The following BCAS3 variants were observed in gnomAD, a reference collection of about 807,000 sequenced individuals.
BCAS3 encodes the protein BCAS3 microtubule associated cell migration factor.
A neutral mutation model predicts 116.1 loss-of-function variants in BCAS3; 53 were observed. That is an observed-to-expected ratio of 0.46 (90% CI 0.37 to 0.57). The LOEUF is 0.57. Ranked by LOEUF, BCAS3 falls within the 20% of genes least tolerant of loss-of-function variation. BCAS3 has a pLI of 0.00. For missense variants in BCAS3, 917 were observed against 1,165.4 expected (o/e 0.79, Z 3.10); for synonymous variants, 391 against 408.2 (o/e 0.96, Z 0.51).
intron 5 of BCAS3, 105 bp downstream of exon 5, chr17:60,709,430 C>T (rs1440384822): frequency 1.3e-5 from 9 of 691,740 alleles, no homozygotes; most frequent in Non-Finnish European, 2.2e-5. Flanking sequence ...TCACTCTTCG[C>T]CCAGGCTGGA....
intron 14 of BCAS3, among the ~76,000 whole-genome samples, chr17:60,966,835 A>C (rs918670901): frequency 2.0e-5 from 3 of 151,876 alleles, no homozygotes; most frequent in African/African-American, 7.3e-5. Flanking sequence ...TTGTGTTTTT[A>C]GTAGAGACAG....
At chr17:60,719,428 T>C (rs1225701961) in intron 5 of BCAS3, among the ~76,000 whole-genome samples, 2 of 152,226 alleles carry the variant, frequency 1.3e-5, no homozygotes, top group Non-Finnish European at 2.9e-5. Context: ...ACAAACAGTT[T>C]GAAAAACACT....
rs1224144549 is a variant in BCAS3 at position 60,902,577 on chromosome 17, T to G, written c.739-43T>G. 3 of 1,466,798 alleles carry G rather than the reference T, an allele frequency of 2.0e-6. No homozygotes were observed. In the East Asian group the frequency reaches 6.8e-5, roughly 33 times the overall value. The allele number at this position is 1,466,798 out of a possible 1,614,324, so 90.9% of individuals were successfully genotyped here. On this transcript the variant is annotated intron_variant, in intron 10 of 23. Transcript: ENST00000407086. ...TGATAGCCTGTAGAGTTAAACAGAT[T>G]AATAGAAATGACGTTCTGCTTCTCT... is the stretch of plus-strand genomic sequence containing the variant.
At chr17:60,977,061 G>A (rs934974754) in intron 14 of BCAS3, among the ~76,000 whole-genome samples, 12 of 151,868 alleles carry the variant, frequency 7.9e-5, no homozygotes, top group East Asian at 3.9e-4. Context: ...GCGGCCGGGC[G>A]GGGGCTGCCC....
chr17:60,699,344 A>G (rs1016539378), intron 4 of BCAS3, among the ~76,000 whole-genome samples: 7 of 152,064 alleles, frequency 4.6e-5, no homozygotes, highest in Non-Finnish European at 5.9e-5. Context: ...CCTCTCCAGT[A>G]GCTAGGATTA....
chr17:60,710,237 T>C (rs1256701464), intron 5 of BCAS3, among the ~76,000 whole-genome samples: 1 of 152,214 alleles, frequency 6.6e-6, no homozygotes, highest in Admixed American at 6.5e-5. Flanking sequence ...CATGAGTATG[T>C]GTGTATGTGT....
At chr17:61,166,354 A>G (rs908197905) in intron 22 of BCAS3, among the ~76,000 whole-genome samples, 1 of 143,136 alleles carries the variant, frequency 7.0e-6, no homozygotes, top group Non-Finnish European at 1.5e-5. Flanking sequence ...TCTTTTTCTA[A>G]ACGTTTTATT....
chr17:61,100,736 A>C (rs1305406429), intron 22 of BCAS3, among the ~76,000 whole-genome samples: 1 of 152,150 alleles, frequency 6.6e-6, no homozygotes, highest in Non-Finnish European at 1.5e-5. Context: ...TTACCTCCTC[A>C]AAGAGAAACT....
At chr17:60,959,752 A>G (rs558266609) in intron 14 of BCAS3, among the ~76,000 whole-genome samples, 9 of 152,196 alleles carry the variant, frequency 5.9e-5, no homozygotes, top group Non-Finnish European at 1.0e-4. Context: ...AGCCTAAAAT[A>G]TCAAAAATTA....
At chr17:60,852,396 A>G (rs1373867591) in intron 7 of BCAS3, among the ~76,000 whole-genome samples, 1 of 152,204 alleles carries the variant, frequency 6.6e-6, no homozygotes, top group African/African-American at 2.4e-5. Context: ...AATATGTAGT[A>G]TACATGCTAT....
At chr17:61,250,262 G>A (rs1409580156) in intron 22 of BCAS3, among the ~76,000 whole-genome samples, 1 of 152,084 alleles carries the variant, frequency 6.6e-6, no homozygotes, top group Non-Finnish European at 1.5e-5. Context: ...GGGAGGATAG[G>A]GAAGAAAACC....
intron 19 of BCAS3, among the ~76,000 whole-genome samples, chr17:61,061,342 A>G (rs1469425708): frequency 6.6e-6 from 1 of 152,076 alleles, no homozygotes; most frequent in Non-Finnish European, 1.5e-5. Context: ...AGTCTTTGCA[A>G]AAAAAAATTA....
Position 61,390,074 on chromosome 17 carries a change from C to G in BCAS3, c.2594-1903C>G, listed in dbSNP as rs1036998213. 6.6e-6 allele frequency: 1 copy of G among 152,352 alleles called. No individual in the cohort carries two copies. Among genetic ancestry groups the G allele is most frequent in the African/African-American group, 2.4e-5 (1 of 41,466 alleles). 9.4% of individuals were successfully genotyped at this position (152,352 alleles called of 1,614,324 possible). On this transcript the variant is annotated intron_variant, in intron 23 of 23. Transcript: ENST00000407086. The surrounding 1 kb of genome is among the most constrained non-coding windows in gnomAD (Gnocchi z 6.8). ...CCTAAGGAAGCCCCTGCTTTTCTTG[C>G]GCCTGCCGGTGCTCTTCTCCCGCCC... is the stretch of plus-strand genomic sequence containing the variant.
rs182960459 is a variant in BCAS3, at chr17:61,249,284, T to C, written c.2426-119043T>C. ...CCTGGGCAACAAGAGTGAAACTCCATCTCAAAAATAAATAAATAAAATAAA... is the reference window on the plus strand; with the variant it reads ...CCTGGGCAACAAGAGTGAAACTCCACCTCAAAAATAAATAAATAAAATAAA... On this transcript the variant is annotated intron_variant, in intron 22 of 23. Transcript: ENST00000407086. The surrounding 1 kb of genome is among the most constrained non-coding windows in gnomAD (Gnocchi z 6.2). Among the ~76,000 whole-genome samples the C allele has an allele frequency of 3.6e-3, 549 of 152,244 alleles. 4 individuals carry two copies. The highest frequency in any genetic ancestry group is 0.012 in the African/African-American group (516 of 41,536).
chr17:60,847,513 T>G (rs533616381), intron 7 of BCAS3, among the ~76,000 whole-genome samples: 2 of 152,346 alleles, frequency 1.3e-5, no homozygotes, highest in South Asian at 4.1e-4. Flanking sequence ...TGATTTTAAT[T>G]TTTAAATTAT....
intron 22 of BCAS3, among the ~76,000 whole-genome samples, chr17:61,331,801 G>A (rs565493835): frequency 3.3e-5 from 5 of 152,302 alleles, no homozygotes; most frequent in Admixed American, 3.3e-4. Flanking sequence ...AGTCGAGCGT[G>A]GCTTCTCAGT....
chr17:60,736,888 CCCTCCCTCCCTTCCTCCCTT>C (rs1342954942), intron 5 of BCAS3, among the ~76,000 whole-genome samples: 85 of 131,862 alleles, frequency 6.4e-4, no homozygotes, highest in African/African-American at 2.4e-3. Context: ...TTCCCTCCCT[CCCTCCCTCCCTTCCTCCCTT>C]CCTCCCTTCC....
chr17:61,312,841 C>T (rs7221391), intron 22 of BCAS3, among the ~76,000 whole-genome samples: 48,943 of 151,858 alleles, frequency 0.32, 12,294 homozygotes, highest in African/African-American at 0.71. Flanking sequence ...CTGGTTACAA[C>T]CAAAGAGCTT....
chr17:60,921,478 T>C (rs1048625206), intron 12 of BCAS3, among the ~76,000 whole-genome samples: 9 of 151,144 alleles, frequency 6.0e-5, no homozygotes, highest in African/African-American at 2.2e-4. Flanking sequence ...CCGGGCGTAG[T>C]GGCGGGCGCC....
Sources: gnomAD v4.1 joint callset for allele counts (sites outside exome capture counted in the v4.1 genomes callset) on GRCh38, gnomAD v4.1.1 for gene constraint, Gnocchi (gnomAD v3.1) non-coding constraint, MANE v1.5 for transcripts, NCBI Gene and HGNC (gene_info 2026-07-23, HGNC 2026-07-21) for gene names.